RSPO3: variants seen among roughly 807,000 people sequenced by gnomAD.
RSPO3 encodes the protein R-spondin-3.
In RSPO3, 17 loss-of-function variants were observed where a neutral mutation model predicts 36.5. The observed-to-expected ratio is 0.47, with a 90% CI of 0.32 to 0.70. The LOEUF is 0.70. RSPO3 is among the 30% of genes least tolerant of loss of function. The pLI, the probability that RSPO3 is intolerant of heterozygous loss-of-function variation, is 0.04. For synonymous variants in RSPO3, 108 were observed against 107.0 expected, an observed-to-expected ratio of 1.01 and a Z score of -0.06; for missense variants, 294 against 322.5, an observed-to-expected ratio of 0.91 and a Z score of 0.68.
At chr6:127,155,876 G>GTATATATATATATA (rs35711172) in intron 4 of RSPO3, among the ~76,000 whole-genome samples, 4 of 148,508 alleles carry the variant, frequency 2.7e-5, no homozygotes, top group African/African-American at 7.5e-5. Flanking sequence ...GTAGCTAAGT[G>GTATATATATATATA]TATATATATA....
In RSPO3 at chr6:127,190,065, A is replaced by C. The variant is rs1220661049; in HGVS notation, c.635-5758A>C. ...TACACAATACATTATAATTGCCCCC[A>C]CAAAAGAAAAAAGTCATACTATAGC... On this transcript the variant is annotated intron_variant, in intron 4 of 4. Coordinates refer to ENST00000356698, the MANE Select transcript of RSPO3 (RefSeq NM_032784.5). Among the ~76,000 whole-genome samples the C allele has an allele frequency of 5.3e-5, 8 of 152,172 alleles. 1 individual carries two copies. Among genetic ancestry groups the C allele is most frequent in the Admixed American group, 5.2e-4 (8 of 15,250 alleles).
At chr6:127,173,157 A>G (rs532200870) in intron 4 of RSPO3, among the ~76,000 whole-genome samples, 57 of 151,892 alleles carry the variant, frequency 3.8e-4, no homozygotes, top group African/African-American at 1.3e-3. Flanking sequence ...TCTTTTTACC[A>G]CCAAATCTGC....
At chr6:127,121,291 G>T (rs569460271) in intron 1 of RSPO3, among the ~76,000 whole-genome samples, 28 of 152,336 alleles carry the variant, frequency 1.8e-4, no homozygotes, top group African/African-American at 6.7e-4. Flanking sequence ...AGCTTTCCCC[G>T]GGCGCTGCCT....
intron 4 of RSPO3, among the ~76,000 whole-genome samples, chr6:127,167,002 T>C (rs1774834060): frequency 6.6e-6 from 1 of 152,060 alleles, no homozygotes; most frequent in Non-Finnish European, 1.5e-5. Context: ...TATTTGTATA[T>C]TAGAGATTAA....
intron 4 of RSPO3, among the ~76,000 whole-genome samples, chr6:127,175,804 C>T: frequency 6.6e-6 from 1 of 151,588 alleles, no homozygotes; most frequent in Non-Finnish European, 1.5e-5. Context: ...AATATCAAAC[C>T]TGGATATTCT....
chr6:127,125,786 G>A (rs1282590626), intron 1 of RSPO3, among the ~76,000 whole-genome samples: 1 of 152,078 alleles, frequency 6.6e-6, no homozygotes, highest in African/African-American at 2.4e-5. Context: ...AGCATACTCA[G>A]TCTACCCCAT....
intron 4 of RSPO3, among the ~76,000 whole-genome samples, chr6:127,189,958 A>T (rs1004468943): frequency 3.3e-5 from 5 of 152,176 alleles, no homozygotes; most frequent in Admixed American, 3.3e-4. Context: ...TTAGAGCAAG[A>T]AGAAGTTTTC....
chr6:127,148,535 C>A, intron 1 of RSPO3, 113 bp from the exon 2 acceptor site: 3 of 692,936 alleles, frequency 4.3e-6, no homozygotes, highest in East Asian at 2.8e-5. Context: ...CTCATTCACC[C>A]ATTACCAACA....
chr6:127,141,796 A>G (rs1774275866), intron 1 of RSPO3, among the ~76,000 whole-genome samples: 1 of 152,196 alleles, frequency 6.6e-6, no homozygotes, highest in African/African-American at 2.4e-5. Context: ...GAGTTTGACG[A>G]AAGACCAATA....
chr6:127,139,671 G>T (rs994621371), intron 1 of RSPO3, among the ~76,000 whole-genome samples: 40 of 151,868 alleles, frequency 2.6e-4, no homozygotes, highest in African/African-American at 9.2e-4. Context: ...TCCCACTGTT[G>T]GATGAACACT....
At chr6:127,178,412 A>G (rs1775100227) in intron 4 of RSPO3, among the ~76,000 whole-genome samples, 1 of 151,760 alleles carries the variant, frequency 6.6e-6, no homozygotes, top group African/African-American at 2.4e-5. Context: ...CCCTTCAAAG[A>G]TTCTCCTAAA....
At chr6:127,145,462 A>T (rs1774365394) in intron 1 of RSPO3, among the ~76,000 whole-genome samples, 1 of 152,124 alleles carries the variant, frequency 6.6e-6, no homozygotes, top group South Asian at 2.1e-4. Flanking sequence ...TTACAGAAGA[A>T]TTTCATTGGC....
intron 1 of RSPO3, among the ~76,000 whole-genome samples, chr6:127,122,946 T>C (rs74762765): frequency 0.019 from 2,957 of 152,194 alleles, 30 homozygotes; most frequent in Non-Finnish European, 0.027. Flanking sequence ...TTTTAATTGT[T>C]CAGACTCTAG....
At chr6:127,187,572 A>T (rs573519009) in intron 4 of RSPO3, among the ~76,000 whole-genome samples, 2 of 152,268 alleles carry the variant, frequency 1.3e-5, no homozygotes, top group African/African-American at 4.8e-5. Context: ...AAAACCCAAG[A>T]TCTAATTCAA....
intron 4 of RSPO3, among the ~76,000 whole-genome samples, chr6:127,185,103 A>G (rs568291545): frequency 1.3e-5 from 2 of 152,128 alleles, no homozygotes; most frequent in East Asian, 3.9e-4. Flanking sequence ...AGATTAGTTA[A>G]CACTTAACCT....
chr6:127,148,765 A>AGATTG lies in RSPO3; in HGVS notation c.218_222dup (p.Val75LeufsTer20). 6.2e-7 allele frequency: 1 copy of AGATTG among 1,613,240 alleles called. No individual in the cohort carries two copies. The highest frequency in any genetic ancestry group is 8.5e-7 in the Non-Finnish European group (1 of 1,179,376). ...GCTCTGGAAAGAATTGGCATGAAGC[A>AGATTG]GATTGGAGTATGTCTCTCTTCATGT... On this transcript the variant is annotated frameshift_variant, in exon 2 of 5. Transcript: ENST00000356698. LOFTEE classifies it high-confidence loss of function.
intron 1 of RSPO3, among the ~76,000 whole-genome samples, chr6:127,132,917 A>G (rs1476483390): frequency 6.6e-6 from 1 of 152,118 alleles, no homozygotes; most frequent in Non-Finnish European, 1.5e-5. Context: ...TAGGAAAGGC[A>G]TATGTCATTT....
intron 4 of RSPO3, among the ~76,000 whole-genome samples, chr6:127,189,479 G>A (rs976059962): frequency 6.6e-6 from 1 of 152,198 alleles, no homozygotes; most frequent in East Asian, 1.9e-4. Context: ...GACCCTGAGG[G>A]CCATGTTAAG....
At chr6:127,132,831 A>G (rs1401405628) in intron 1 of RSPO3, among the ~76,000 whole-genome samples, 1 of 152,100 alleles carries the variant, frequency 6.6e-6, no homozygotes, top group Non-Finnish European at 1.5e-5. Flanking sequence ...CAGCTAAGCA[A>G]TTAAAAACCT....
Sources: gnomAD v4.1 joint callset for allele counts (sites outside exome capture counted in the v4.1 genomes callset) on GRCh38, gnomAD v4.1.1 for gene constraint, MANE v1.5 for transcripts, NCBI Gene and HGNC (gene_info 2026-07-23, HGNC 2026-07-21) for gene names.